The following SNTG1 variants were observed in gnomAD, a reference collection of about 807,000 sequenced individuals.
SNTG1 encodes syntrophin gamma 1, also known as gamma-1-syntrophin.
SNTG1 carries 39 observed loss-of-function variants against 74.7 expected under a neutral mutation model. The observed-to-expected ratio is 0.52, with a 90% CI of 0.40 to 0.68. SNTG1 has a LOEUF of 0.68. Ranked by LOEUF, SNTG1 falls within the 30% of genes least tolerant of loss-of-function variation. SNTG1 has a pLI of 0.00. For synonymous variants in SNTG1, 254 were observed against 217.1 expected (o/e 1.17, Z -1.49); for missense variants, 685 against 609.5 (o/e 1.12, Z -1.30).
intron 1 of SNTG1, among the ~76,000 whole-genome samples, chr8:50,148,560 C>T (rs893353041): frequency 6.6e-6 from 1 of 152,144 alleles, no homozygotes; most frequent in Admixed American, 6.5e-5. Context: ...CTCCCCCCAA[C>T]CCAGAACAGG....
At chr8:50,136,026 A>G (rs974138387) in intron 1 of SNTG1, among the ~76,000 whole-genome samples, 2 of 152,076 alleles carry the variant, frequency 1.3e-5, no homozygotes, top group African/African-American at 4.8e-5. Flanking sequence ...CCCCTGTGTT[A>G]GTTTGATTAG....
intron 1 of SNTG1, among the ~76,000 whole-genome samples, chr8:49,975,201 C>G (rs1200357780): frequency 6.6e-6 from 1 of 152,166 alleles, no homozygotes; most frequent in Non-Finnish European, 1.5e-5. Flanking sequence ...TAACTGCAAA[C>G]TAAACTTTTA....
At chr8:50,712,843 T>C (rs1352194556) in intron 17 of SNTG1, among the ~76,000 whole-genome samples, 2 of 152,178 alleles carry the variant, frequency 1.3e-5, no homozygotes, top group African/African-American at 4.8e-5. Flanking sequence ...CTCATCCTTT[T>C]TTATGGCTGC....
chr8:50,640,860 C>G (rs2095068284), intron 13 of SNTG1, among the ~76,000 whole-genome samples: 1 of 152,116 alleles, frequency 6.6e-6, no homozygotes, highest in Non-Finnish European at 1.5e-5. Flanking sequence ...TACCTTCAAA[C>G]CTTCCACTGT....
In SNTG1 at chr8:50,645,134, T is replaced by C. The variant is rs1337584376; in HGVS notation, c.850-11775T>C. ...GATCAGAAAAATGTTCTTTTTAATA[T>C]AGAAACATGTTTATTTTATAGAAGG... is the stretch of plus-strand genomic sequence containing the variant. On this transcript the variant is annotated intron_variant, in intron 13 of 18. Coordinates refer to ENST00000642720, the MANE Select transcript of SNTG1 (RefSeq NM_018967.5). Among the ~76,000 whole-genome samples the C allele has an allele frequency of 1.9e-4, 6 of 31,788 alleles. No homozygotes were observed. The Admixed American group carries it at 2.2e-3, about 12-fold the overall frequency. The allele number at this position is 31,788 out of a possible 152,430, so 20.9% of individuals were successfully genotyped here.
At chr8:50,075,510 C>T (rs548400603) in intron 1 of SNTG1, among the ~76,000 whole-genome samples, 13 of 152,264 alleles carry the variant, frequency 8.5e-5, no homozygotes, top group Non-Finnish European at 1.8e-4. Flanking sequence ...AGCACCCCGT[C>T]AAAACGGACC....
chr8:50,541,311 CA>C (rs2130462643), intron 11 of SNTG1, among the ~76,000 whole-genome samples: 1 of 149,534 alleles, frequency 6.7e-6, no homozygotes, highest in African/African-American at 2.5e-5. Context: ...ATCACATATG[CA>C]TGTTCCTGCA....
chr8:50,119,918 G>A (rs1391414173), intron 1 of SNTG1, among the ~76,000 whole-genome samples: 1 of 142,022 alleles, frequency 7.0e-6, no homozygotes, highest in African/African-American at 2.5e-5. Flanking sequence ...ATTGGATTCA[G>A]AATTGCTAAG....
chr8:50,282,291 T>C (rs371958815), intron 2 of SNTG1, among the ~76,000 whole-genome samples: 1 of 152,124 alleles, frequency 6.6e-6, no homozygotes, highest in South Asian at 2.1e-4. Flanking sequence ...AACCAATAAA[T>C]ACTGTCAGTT....
At chr8:50,680,096 T>C (rs2095325048) in intron 15 of SNTG1, among the ~76,000 whole-genome samples, 1 of 152,144 alleles carries the variant, frequency 6.6e-6, no homozygotes, top group South Asian at 2.1e-4. Context: ...AGAAGTCTTC[T>C]GAGGATACTA....
At chr8:50,014,044 A>C (rs1816078833) in intron 1 of SNTG1, among the ~76,000 whole-genome samples, 1 of 152,148 alleles carries the variant, frequency 6.6e-6, no homozygotes, top group African/African-American at 2.4e-5. Flanking sequence ...ACCTATTCAA[A>C]AGAAAGTACT....
intron 1 of SNTG1, among the ~76,000 whole-genome samples, chr8:50,113,975 A>G (rs1311224536): frequency 6.6e-6 from 1 of 151,964 alleles, no homozygotes; most frequent in Non-Finnish European, 1.5e-5. Context: ...TCTCAACTTC[A>G]CATAAATTAT....
chr8:50,439,338 T>C (rs2093336759), intron 5 of SNTG1, among the ~76,000 whole-genome samples: 1 of 152,112 alleles, frequency 6.6e-6, no homozygotes, highest in African/African-American at 2.4e-5. Flanking sequence ...AATTATTGGG[T>C]TAGTTATTTG....
intron 15 of SNTG1, among the ~76,000 whole-genome samples, chr8:50,685,977 C>T (rs927550817): frequency 6.6e-5 from 10 of 152,082 alleles, no homozygotes; most frequent in Middle Eastern, 3.4e-3. Flanking sequence ...CTTGGGTGCA[C>T]GGGTACCAAA....
intron 18 of SNTG1, among the ~76,000 whole-genome samples, chr8:50,765,360 G>T (rs1176028087): frequency 6.6e-6 from 1 of 151,978 alleles, no homozygotes; most frequent in African/African-American, 2.4e-5. Context: ...TTACTGGTCT[G>T]CATCCATTGG....
At chr8:50,605,857 A>C (rs532583037) in intron 13 of SNTG1, among the ~76,000 whole-genome samples, 7 of 152,234 alleles carry the variant, frequency 4.6e-5, no homozygotes, top group Non-Finnish European at 8.8e-5. Context: ...AAATAAAATA[A>C]CACAAAAATA....
At chr8:50,467,854 A>T (rs1188139100) in intron 8 of SNTG1, among the ~76,000 whole-genome samples, 2 of 151,858 alleles carry the variant, frequency 1.3e-5, no homozygotes, top group Non-Finnish European at 2.9e-5. Flanking sequence ...TTGAGTTCAA[A>T]ATATTTTTAA....
intron 15 of SNTG1, among the ~76,000 whole-genome samples, chr8:50,698,060 C>G (rs2095411169): frequency 6.6e-6 from 1 of 152,072 alleles, no homozygotes; most frequent in Non-Finnish European, 1.5e-5. Flanking sequence ...CCATCTGTTC[C>G]TGGGATTTTC....
chr8:50,330,485 T>C (rs2090920568), intron 2 of SNTG1, among the ~76,000 whole-genome samples: 1 of 152,202 alleles, frequency 6.6e-6, no homozygotes, highest in Admixed American at 6.5e-5. Flanking sequence ...CTTTCTCACA[T>C]CTTCCTACCT....
Sources: allele counts gnomAD v4.1 joint callset (sites outside exome capture counted in the v4.1 genomes callset), GRCh38; gene constraint gnomAD v4.1.1; transcripts MANE v1.5; gene names NCBI Gene and HGNC (gene_info 2026-07-23, HGNC 2026-07-21).